Variants in CLSTN2 observed in about 807,000 individuals in gnomAD.
CLSTN2 encodes calsyntenin-2.
A neutral mutation model predicts 101.2 loss-of-function variants in CLSTN2; 48 were observed. The observed-to-expected ratio is 0.47, with a 90% CI of 0.38 to 0.60. The LOEUF is 0.60. CLSTN2 is among the 20% of genes least tolerant of loss of function. The pLI, the probability that CLSTN2 is intolerant of heterozygous loss-of-function variation, is 0.00. For missense variants in CLSTN2, 1,160 were observed against 1,238.2 expected (o/e 0.94, Z 0.95); for synonymous variants, 481 against 463.6 (o/e 1.04, Z -0.48).
rs79278105 is a variant in CLSTN2, at chr3:140,090,652, G to C, written c.110-85299G>C. The stretch of plus-strand genomic sequence containing the variant: ...GCACAACACTAACACAGAAAATAGG[G>C]AACAGTGAATCTCATGGGAAGAGTG... On this transcript the variant is annotated intron_variant, in intron 1 of 16. Transcript: ENST00000458420. Among the ~76,000 whole-genome samples, 361 of 152,242 alleles carry C rather than the reference G, an allele frequency of 2.4e-3. 1 individual carries two copies. Among genetic ancestry groups the C allele is most frequent in the Non-Finnish European group, 4.6e-3 (311 of 68,026 alleles).
At chr3:140,298,919 C>T (rs1483142829) in intron 2 of CLSTN2, among the ~76,000 whole-genome samples, 5 of 152,120 alleles carry the variant, frequency 3.3e-5, no homozygotes, top group Non-Finnish European at 2.9e-5. Context: ...ATCTGAGATC[C>T]GGGAATAGGC....
Position 140,561,741 on chromosome 3 carries a change from T to C in CLSTN2, c.2042-397T>C, listed in dbSNP as rs575286280. Among the ~76,000 whole-genome samples, 3 of 152,236 alleles carry C rather than the reference T, an allele frequency of 2.0e-5. No homozygotes were observed. The South Asian group carries it at 6.2e-4, about 32-fold the overall frequency. ...GGAAGGCCACTTACCTCTACCCAAA[T>C]GAGAGCTATTGCTTATTGAGCACCT... On this transcript the variant is annotated intron_variant, in intron 12 of 16. Coordinates refer to ENST00000458420, the MANE Select transcript of CLSTN2 (RefSeq NM_022131.3).
intron 5 of CLSTN2, among the ~76,000 whole-genome samples, chr3:140,437,521 T>C (rs1191032246): frequency 6.6e-6 from 1 of 152,204 alleles, no homozygotes; most frequent in East Asian, 1.9e-4. Context: ...TCAGCCTCCT[T>C]GGGTTTCTAA....
chr3:139,989,654 T>C (rs556886523), intron 1 of CLSTN2, among the ~76,000 whole-genome samples: 43 of 152,232 alleles, frequency 2.8e-4, no homozygotes, highest in Non-Finnish European at 4.9e-4. Context: ...AAGAATCAAT[T>C]GAGATAATGT....
intron 1 of CLSTN2, among the ~76,000 whole-genome samples, chr3:140,013,445 C>T (rs569031192): frequency 1.3e-5 from 2 of 152,232 alleles, no homozygotes; most frequent in East Asian, 1.9e-4. Flanking sequence ...CGGAGTTTGT[C>T]GCTGGAAGTG....
At chr3:140,344,885 G>C (rs1383973357) in intron 2 of CLSTN2, among the ~76,000 whole-genome samples, 1 of 152,200 alleles carries the variant, frequency 6.6e-6, no homozygotes, top group Non-Finnish European at 1.5e-5. Context: ...GTGGTGCTGG[G>C]TGAGGGGATT....
chr3:140,332,560 G>C (rs1418327930), intron 2 of CLSTN2, among the ~76,000 whole-genome samples: 1 of 152,144 alleles, frequency 6.6e-6, no homozygotes. Context: ...TGTCTGTAAT[G>C]AGTGGACGAG....
intron 9 of CLSTN2, among the ~76,000 whole-genome samples, chr3:140,535,409 A>G (rs761491196): frequency 2.6e-5 from 4 of 152,246 alleles, no homozygotes; most frequent in Non-Finnish European, 2.9e-5. Flanking sequence ...CTACTATTGT[A>G]TCTCATTACA....
chr3:140,107,103 G>C (rs2009072260), intron 1 of CLSTN2, among the ~76,000 whole-genome samples: 1 of 152,202 alleles, frequency 6.6e-6, no homozygotes, highest in African/African-American at 2.4e-5. Context: ...AAAAAAGGCA[G>C]ACATGAATGG....
chr3:140,173,332 G>GAGGT (rs2010268734), intron 1 of CLSTN2, among the ~76,000 whole-genome samples: 1 of 152,226 alleles, frequency 6.6e-6, no homozygotes, highest in African/African-American at 2.4e-5. Flanking sequence ...CCTGATGCAA[G>GAGGT]AGGTAGGTTC....
chr3:140,166,849 A>G (rs1413571368), intron 1 of CLSTN2, among the ~76,000 whole-genome samples: 1 of 152,246 alleles, frequency 6.6e-6, no homozygotes, highest in Non-Finnish European at 1.5e-5. Context: ...GATATGACAC[A>G]GCTCAGCCTC....
In CLSTN2 at chr3:140,194,238, A is replaced by T. The variant is rs190992920; in HGVS notation, c.232+18165A>T. 4.1e-3 allele frequency among the ~76,000 whole-genome samples: 619 copies of T among 152,222 alleles called. 4 individuals carry two copies. The highest frequency in any genetic ancestry group is 0.014 in the African/African-American group (580 of 41,544). ...ATCAAGGTGCTGTCAGTGCCTGGTGAGGGCTCATCTCCTGGTTTACTGAAG... is the reference window on the plus strand; with the variant it reads ...ATCAAGGTGCTGTCAGTGCCTGGTGTGGGCTCATCTCCTGGTTTACTGAAG... On this transcript the variant is annotated intron_variant, in intron 2 of 16. Transcript: ENST00000458420.
At chr3:140,105,427 G>T (rs2009039843) in intron 1 of CLSTN2, among the ~76,000 whole-genome samples, 1 of 152,258 alleles carries the variant, frequency 6.6e-6, no homozygotes, top group African/African-American at 2.4e-5. Context: ...GGTAGCTTTT[G>T]TAATAATTAG....
Position 139,977,732 on chromosome 3 carries a change from C to A in CLSTN2, c.109+42249C>A, listed in dbSNP as rs547162536. Among the ~76,000 whole-genome samples the A allele has an allele frequency of 2.1e-4, 32 of 152,252 alleles. No homozygotes were observed. In the East Asian group the frequency reaches 5.6e-3, roughly 27 times the overall value. Reference sequence around the variant, plus strand: ...GGGGTGGGGGGCAGTGGGCAAAGCCCTGAACAGGCAGCCTGGGCATTGCAG... The same window carrying A: ...GGGGTGGGGGGCAGTGGGCAAAGCCATGAACAGGCAGCCTGGGCATTGCAG... On this transcript the variant is annotated intron_variant, in intron 1 of 16. Transcript: ENST00000458420.
intron 1 of CLSTN2, among the ~76,000 whole-genome samples, chr3:140,105,173 C>A (rs72984159): frequency 0.033 from 4,952 of 152,286 alleles, 239 homozygotes; most frequent in African/African-American, 0.11. Flanking sequence ...AATTCATCCT[C>A]TTATGATATA....
chr3:140,159,657 C>T (rs1019058160), intron 1 of CLSTN2, among the ~76,000 whole-genome samples: 6 of 152,090 alleles, frequency 3.9e-5, no homozygotes, highest in Non-Finnish European at 4.4e-5. Flanking sequence ...AGCAATCACA[C>T]TCCTGGGTAT....
intron 1 of CLSTN2, among the ~76,000 whole-genome samples, chr3:140,073,560 GC>G (rs2008432883): frequency 1.3e-5 from 2 of 152,178 alleles, no homozygotes; most frequent in African/African-American, 4.8e-5. Flanking sequence ...CATTCATGGT[GC>G]CATGCAGACA....
At chr3:140,421,048 A>G in intron 4 of CLSTN2, 77 bp from the exon 5 acceptor site, 1 of 1,416,674 alleles carries the variant, frequency 7.1e-7, no homozygotes, top group Middle Eastern at 1.8e-4. Context: ...AGGTGGGTGG[A>G]GTGGAGAAGA....
Position 140,225,486 on chromosome 3 carries a change from TTTTG to T in CLSTN2, c.232+49437_232+49440del, listed in dbSNP as rs60470942. ...GCAAGATGAATACGGGCACTGACAT[TTTTG>T]TTTGTTTGTTTGTTTGTTTGTTTTG... is the stretch of plus-strand genomic sequence containing the variant. On this transcript the variant is annotated intron_variant, in intron 2 of 16. Transcript: ENST00000458420. Among the ~76,000 whole-genome samples, 989 of 150,880 alleles carry T rather than the reference TTTTG, an allele frequency of 6.6e-3. 5 individuals carry two copies. Among genetic ancestry groups the T allele is most frequent in the Non-Finnish European group, 9.9e-3 (673 of 67,764 alleles).
Sources: allele counts gnomAD v4.1 joint callset (sites outside exome capture counted in the v4.1 genomes callset), GRCh38; gene constraint gnomAD v4.1.1; transcripts MANE v1.5; gene names NCBI Gene and HGNC (gene_info 2026-07-23, HGNC 2026-07-21).